Variants in GAB2 observed in about 807,000 individuals in gnomAD.
GAB2 encodes GRB2 associated binding protein 2.
In GAB2, 26 loss-of-function variants were observed where a neutral mutation model predicts 65.5. The observed-to-expected ratio is 0.40, with a 90% CI of 0.29 to 0.55. GAB2 has a LOEUF of 0.55. GAB2 is among the 20% of genes least tolerant of loss of function. The pLI, the probability that GAB2 is intolerant of heterozygous loss-of-function variation, is 0.53. For missense variants in GAB2, 884 were observed against 875.8 expected (o/e 1.01, Z -0.12); for synonymous variants, 321 against 329.6 (o/e 0.97, Z 0.28).
intron 1 of GAB2, among the ~76,000 whole-genome samples, chr11:78,362,386 G>C (rs1195528349): frequency 6.6e-6 from 1 of 151,974 alleles, no homozygotes; most frequent in African/African-American, 2.4e-5. Context: ...AAAATACCTA[G>C]AGTAACTTCT....
chr11:78,292,564 T>C (rs1866710643), intron 1 of GAB2, among the ~76,000 whole-genome samples: 1 of 152,216 alleles, frequency 6.6e-6, no homozygotes, highest in African/African-American at 2.4e-5. Flanking sequence ...CTTCTGAACA[T>C]ATGATGTACA....
intron 1 of GAB2, among the ~76,000 whole-genome samples, chr11:78,390,269 A>G (rs557800297): frequency 6.6e-6 from 1 of 152,328 alleles, no homozygotes; most frequent in Non-Finnish European, 1.5e-5. Flanking sequence ...CAAGCTATAA[A>G]CAAAGGATTT....
intron 1 of GAB2, among the ~76,000 whole-genome samples, chr11:78,351,392 A>G (rs1025459855): frequency 1.3e-5 from 2 of 152,138 alleles, no homozygotes; most frequent in African/African-American, 4.8e-5. Flanking sequence ...AGCTACTGTC[A>G]TCCCTTTCAT....
chr11:78,226,382 G>A, intron 4 of GAB2, 83 bp downstream of exon 4: 2 of 1,114,176 alleles, frequency 1.8e-6, no homozygotes, highest in South Asian at 2.5e-5. Flanking sequence ...CCTCGGCCAT[G>A]GATGACCAAG....
chr11:78,257,642 G>A (rs1865628051), intron 2 of GAB2, among the ~76,000 whole-genome samples: 1 of 152,160 alleles, frequency 6.6e-6, no homozygotes, highest in South Asian at 2.1e-4. Context: ...CATGACGGAT[G>A]CTTGGAAGGT....
At chr11:78,352,395 A>C (rs936509603) in intron 1 of GAB2, among the ~76,000 whole-genome samples, 2 of 152,216 alleles carry the variant, frequency 1.3e-5, no homozygotes, top group African/African-American at 2.4e-5. Flanking sequence ...AAGGCACTAG[A>C]GGACAGAGCT....
At chr11:78,285,353 T>C (rs1274574414) in intron 1 of GAB2, among the ~76,000 whole-genome samples, 1 of 152,232 alleles carries the variant, frequency 6.6e-6, no homozygotes, top group Non-Finnish European at 1.5e-5. Flanking sequence ...GTAAGTGGTG[T>C]AGGCTGATAA....
At chr11:78,316,258 T>G (rs1855601539) in intron 1 of GAB2, among the ~76,000 whole-genome samples, 1 of 152,208 alleles carries the variant, frequency 6.6e-6, no homozygotes, top group Non-Finnish European at 1.5e-5. Context: ...AGCTTCCAGA[T>G]GGCCTATTGT....
intron 1 of GAB2, among the ~76,000 whole-genome samples, chr11:78,407,670 A>AAAGAAAGAAAGAAAGT (rs1565188226): frequency 7.1e-6 from 1 of 141,276 alleles, no homozygotes; most frequent in African/African-American, 3.1e-5. Flanking sequence ...AGAAAGAAAG[A>AAAGAAAGAAAGAAAGT]AAGAAAGAAA....
chr11:78,267,688 C>A (rs894806008), intron 2 of GAB2, among the ~76,000 whole-genome samples: 1 of 151,552 alleles, frequency 6.6e-6, no homozygotes, highest in South Asian at 2.1e-4. Context: ...GAAACCCCGT[C>A]GCTACTAAAA....
At chr11:78,371,072 GA>G (rs1002401036) in intron 1 of GAB2, among the ~76,000 whole-genome samples, 2 of 152,212 alleles carry the variant, frequency 1.3e-5, no homozygotes, top group Admixed American at 1.3e-4. Flanking sequence ...AGCACTGTTA[GA>G]AAACGTGGCA....
chr11:78,348,419 T>C (rs766767760), intron 1 of GAB2, among the ~76,000 whole-genome samples: 1 of 152,180 alleles, frequency 6.6e-6, no homozygotes, highest in Non-Finnish European at 1.5e-5. Context: ...ATTTTTTAAA[T>C]GGGCAAAAGA....
rs181061974 is a variant in GAB2, at chr11:78,374,398, T to C, written c.75+43248A>G. Among the ~76,000 whole-genome samples the C allele has an allele frequency of 2.2e-3, 331 of 152,344 alleles. 1 individual carries two copies. The highest frequency in any genetic ancestry group is 7.3e-3 in the African/African-American group (303 of 41,578). On this transcript the variant is annotated intron_variant, in intron 1 of 9. Coordinates refer to ENST00000361507, the MANE Select transcript of GAB2 (RefSeq NM_080491.3). The stretch of plus-strand genomic sequence containing the variant: ...AAAACTATGTCTATGTAGGACCTTA[T>C]TGTCCATGTCAACAAACCCCTACAA...
At chr11:78,417,328 T>C (rs1191439098) in intron 1 of GAB2, among the ~76,000 whole-genome samples, 2 of 147,262 alleles carry the variant, frequency 1.4e-5, no homozygotes, top group Non-Finnish European at 3.0e-5. Flanking sequence ...GTCAACTCTC[T>C]CGGTCTCCAG....
chr11:78,291,555 C>CTTTTCTTTTTTTTT (rs1866677044), intron 1 of GAB2, among the ~76,000 whole-genome samples: 2 of 55,046 alleles, frequency 3.6e-5, no homozygotes, highest in Admixed American at 2.9e-4. Context: ...TTACTTTTTT[C>CTTTTCTTTTTTTTT]TTTTTCTTTT....
At chr11:78,262,858 CAG>C (rs1865770781) in intron 2 of GAB2, among the ~76,000 whole-genome samples, 1 of 152,194 alleles carries the variant, frequency 6.6e-6, no homozygotes, top group South Asian at 2.1e-4. Flanking sequence ...TACACCAGAA[CAG>C]GGGTCAGCAA....
At chr11:78,222,396 A>G (rs536842637) in intron 6 of GAB2, among the ~76,000 whole-genome samples, 154 of 152,100 alleles carry the variant, frequency 1.0e-3, no homozygotes, top group Non-Finnish European at 2.0e-3. Context: ...ATTCCAAATT[A>G]TATATTCTTT....
chr11:78,332,855 TA>T (rs1742061157), intron 1 of GAB2, among the ~76,000 whole-genome samples: 1 of 152,232 alleles, frequency 6.6e-6, no homozygotes, highest in South Asian at 2.1e-4. Context: ...CCTCATGCCC[TA>T]GAGTCTGAGC....
At chr11:78,312,576 C>G (rs182425811) in intron 1 of GAB2, among the ~76,000 whole-genome samples, 1 of 152,174 alleles carries the variant, frequency 6.6e-6, no homozygotes, top group Non-Finnish European at 1.5e-5. Flanking sequence ...CAGGTGCCCA[C>G]CACCATGCCC....
Sources: allele counts gnomAD v4.1 joint callset (sites outside exome capture counted in the v4.1 genomes callset), GRCh38; gene constraint gnomAD v4.1.1; transcripts MANE v1.5; gene names NCBI Gene and HGNC (gene_info 2026-07-23, HGNC 2026-07-21).